Variants in CPED1 observed in about 807,000 individuals in gnomAD.
CPED1 encodes the protein cadherin like and PC-esterase domain containing 1, also known as cadherin-like and PC-esterase domain-containing protein 1.
Under a neutral mutation model 128.2 loss-of-function variants are expected in CPED1, and 114 were observed. The ratio of observed to expected loss-of-function variants is 0.89; its 90% CI spans 0.76 to 1.04. The LOEUF is 1.04. Ranked by LOEUF, CPED1 falls within the 50% of genes least tolerant of loss-of-function variation. The pLI, the probability that CPED1 is intolerant of heterozygous loss-of-function variation, is 0.00. For synonymous variants in CPED1, 462 were observed against 426.7 expected, an observed-to-expected ratio of 1.08 and a Z score of -1.02; for missense variants, 1,211 against 1,207.1, an observed-to-expected ratio of 1.00 and a Z score of -0.05.
chr7:121,040,208 T>C (rs186106557), intron 3 of CPED1, among the ~76,000 whole-genome samples: 157 of 152,234 alleles, frequency 1.0e-3, no homozygotes, highest in African/African-American at 3.6e-3. Flanking sequence ...TTTGTAGCCA[T>C]GTTGTATAGT....
At chr7:121,011,016 G>A (rs1444189236) in intron 2 of CPED1, among the ~76,000 whole-genome samples, 1 of 152,036 alleles carries the variant, frequency 6.6e-6, no homozygotes, top group Non-Finnish European at 1.5e-5. Context: ...GTGCAAAAAT[G>A]AACACATAAT....
chr7:121,220,963 C>G (rs970465351), intron 16 of CPED1, among the ~76,000 whole-genome samples: 1 of 151,242 alleles, frequency 6.6e-6, no homozygotes, highest in Admixed American at 6.6e-5. Context: ...TATCTTTACT[C>G]TATATCCATC....
At chr7:121,277,454 C>A (rs1465540279) in intron 22 of CPED1, among the ~76,000 whole-genome samples, 1 of 152,092 alleles carries the variant, frequency 6.6e-6, no homozygotes, top group Non-Finnish European at 1.5e-5. Flanking sequence ...CCACAGAGCC[C>A]AGACTCATTG....
rs1584626744 is a variant in CPED1 at position 121,244,331 on chromosome 7, G to A, written c.2303G>A (p.Gly768Glu). Residue 768 changes from glycine to glutamate, a missense_variant, in exon 18 of 23, where the codon GGA becomes GAA. Transcript: ENST00000310396. ...CCTCAACTCCAGCAGTGCCTGGGAGGAAGGAAGGTAGGTTCTGGATCTAGT... is the reference window on the plus strand; with the variant it reads ...CCTCAACTCCAGCAGTGCCTGGGAGAAAGGAAGGTAGGTTCTGGATCTAGT... ...TKPQLQQCLG[G>E]RKILFIGDST... is the part of the protein sequence containing the mutation. 6.2e-7 allele frequency: 1 copy of A among 1,614,098 alleles called. No individual in the cohort carries two copies. The highest frequency in any genetic ancestry group is 2.2e-5 in the East Asian group (1 of 44,872).
In CPED1 at chr7:120,995,945, TCTC is replaced by T. The variant is rs10572580; in HGVS notation, c.249+6099_249+6101del. ...TCCTCCTCCTTCTCCTCCTCCTTCT[TCTC>T]CTCCTCCTCCTCCTCCTCCTCCTTC... On this transcript the variant is annotated intron_variant, in intron 2 of 22. Coordinates refer to ENST00000310396, the MANE Select transcript of CPED1 (RefSeq NM_024913.5). Among the ~76,000 whole-genome samples, 522 of 147,580 alleles carry T rather than the reference TCTC, an allele frequency of 3.5e-3. 1 individual carries two copies. Among genetic ancestry groups the T allele is most frequent in the African/African-American group, 5.1e-3 (200 of 39,128 alleles).
At chr7:121,284,588 T>A (rs1473267725) in intron 22 of CPED1, among the ~76,000 whole-genome samples, 1 of 152,190 alleles carries the variant, frequency 6.6e-6, no homozygotes, top group Non-Finnish European at 1.5e-5. Flanking sequence ...AATACACCCA[T>A]TCCAAAGGGG....
chr7:121,030,179 C>T (rs1418502131), intron 3 of CPED1, among the ~76,000 whole-genome samples: 1 of 152,070 alleles, frequency 6.6e-6, no homozygotes. Context: ...TAGACACACA[C>T]ATTTATGTTC....
At chr7:121,183,739 G>C (rs781684574) in intron 16 of CPED1, among the ~76,000 whole-genome samples, 2 of 152,130 alleles carry the variant, frequency 1.3e-5, no homozygotes, top group African/African-American at 2.4e-5. Flanking sequence ...TGCTTTCAAT[G>C]CTGGTTTATA....
At chr7:121,117,094 T>TATAA (rs1795265030) in intron 7 of CPED1, among the ~76,000 whole-genome samples, 1 of 142,594 alleles carries the variant, frequency 7.0e-6, no homozygotes, top group African/African-American at 2.6e-5. Flanking sequence ...TATATATATA[T>TATAA]ATATAAATAT....
At chr7:121,163,988 C>G (rs1782644403) in intron 16 of CPED1, among the ~76,000 whole-genome samples, 1 of 152,216 alleles carries the variant, frequency 6.6e-6, no homozygotes, top group African/African-American at 2.4e-5. Flanking sequence ...CCTCAATAAT[C>G]TAAACATTTT....
intron 16 of CPED1, among the ~76,000 whole-genome samples, chr7:121,222,662 G>A (rs1385304239): frequency 1.3e-5 from 2 of 152,028 alleles, no homozygotes; most frequent in Admixed American, 6.6e-5. Flanking sequence ...TCCTTGAAGA[G>A]GTCCTTCACA....
intron 16 of CPED1, among the ~76,000 whole-genome samples, chr7:121,214,729 T>G (rs1797721430): frequency 6.6e-6 from 1 of 152,074 alleles, no homozygotes; most frequent in African/African-American, 2.4e-5. Flanking sequence ...ATGTTTAAAC[T>G]AAAAATGAAT....
Position 121,271,489 on chromosome 7 carries a change from A to G in CPED1, c.2868+59A>G, listed in dbSNP as rs1792228868. 5 of 1,501,980 alleles carry G rather than the reference A, an allele frequency of 3.3e-6. No homozygotes were observed. In the African/African-American group the frequency reaches 4.2e-5, roughly 13 times the overall value. 93.0% of individuals were successfully genotyped at this position (1,501,980 alleles called of 1,614,324 possible). A position where few individuals can be genotyped will look rare whatever the true frequency, so the allele number is the denominator to read the frequency against. ...TTGATCTTTTAAAATTGTTTGTTGT[A>G]TCTTTAATTGTATTGTCAGTCTTAT... On this transcript the variant is annotated intron_variant, in intron 22 of 22. Transcript: ENST00000310396.
chr7:121,257,505 A>AAAG (rs919274520), intron 18 of CPED1, among the ~76,000 whole-genome samples: 7 of 139,812 alleles, frequency 5.0e-5, no homozygotes, highest in Non-Finnish European at 1.1e-4. Flanking sequence ...AGAGCCTGAG[A>AAAG]AAGATATTTT....
intron 22 of CPED1, among the ~76,000 whole-genome samples, chr7:121,293,955 G>A (rs577920477): frequency 2.0e-5 from 3 of 152,080 alleles, no homozygotes; most frequent in East Asian, 1.9e-4. Context: ...CCTATTTGGC[G>A]ATCTTGCCAG....
intron 5 of CPED1, among the ~76,000 whole-genome samples, chr7:121,077,921 C>G (rs1448342950): frequency 6.6e-6 from 1 of 151,918 alleles, no homozygotes; most frequent in East Asian, 1.9e-4. Context: ...CTTAGAGTAT[C>G]CTCAGAAGTA....
intron 7 of CPED1, among the ~76,000 whole-genome samples, chr7:121,100,755 GA>G (rs1794829968): frequency 6.6e-6 from 1 of 152,068 alleles, no homozygotes; most frequent in Admixed American, 6.6e-5. Flanking sequence ...CCAAAAAGAG[GA>G]AATAGAAATG....
chr7:121,289,055 C>G (rs1792639742), intron 22 of CPED1, among the ~76,000 whole-genome samples: 1 of 152,074 alleles, frequency 6.6e-6, no homozygotes, highest in South Asian at 2.1e-4. Context: ...GTGGAAAGAG[C>G]TGTACACAGT....
Position 121,226,676 on chromosome 7 carries a change from T to A in CPED1, c.2056-10038T>A, listed in dbSNP as rs183110347. Among the ~76,000 whole-genome samples the A allele has an allele frequency of 2.0e-5, 3 of 152,210 alleles. No homozygotes were observed. In the East Asian group the frequency reaches 5.8e-4, roughly 30 times the overall value. On this transcript the variant is annotated intron_variant, in intron 16 of 22. Transcript: ENST00000310396. ...TTACAGATATTTCAAATGCCCTCCA[T>A]AAAGGAGAAAAATCTCTCTTAATAT... is the stretch of plus-strand genomic sequence containing the variant.
Sources: gnomAD v4.1 joint callset for allele counts (sites outside exome capture counted in the v4.1 genomes callset) on GRCh38, gnomAD v4.1.1 for gene constraint, MANE v1.5 for transcripts, NCBI Gene and HGNC (gene_info 2026-07-23, HGNC 2026-07-21) for gene names.